The following MARCHF1 variants were observed in gnomAD, a reference collection of about 807,000 sequenced individuals.
MARCHF1 encodes E3 ubiquitin-protein ligase MARCHF1.
Under a neutral mutation model 54.2 loss-of-function variants are expected in MARCHF1, and 40 were observed. That is an observed-to-expected ratio of 0.74 (90% CI 0.57 to 0.96). The LOEUF (loss-of-function observed/expected upper bound fraction) is 0.96. Among genes scored for constraint, MARCHF1 ranks in the 40% least tolerant of loss-of-function variants. The pLI is 0.00. For synonymous variants in MARCHF1, 236 were observed against 236.3 expected (o/e 1.00, Z 0.01); for missense variants, 586 against 656.5 (o/e 0.89, Z 1.17).
intron 2 of MARCHF1, among the ~76,000 whole-genome samples, chr4:164,101,530 C>G (rs984008740): frequency 7.7e-6 from 1 of 129,918 alleles, no homozygotes; most frequent in African/African-American, 2.8e-5. Context: ...CAGGGTACTC[C>G]AACAGACCTG....
chr4:163,701,994 A>C (rs1454327569), intron 4 of MARCHF1, among the ~76,000 whole-genome samples: 6 of 152,222 alleles, frequency 3.9e-5, no homozygotes, highest in Non-Finnish European at 8.8e-5. Context: ...TTAGAGACAC[A>C]GTGATGACAG....
At chr4:163,718,416 C>G (rs1411883414) in intron 4 of MARCHF1, among the ~76,000 whole-genome samples, 1 of 152,104 alleles carries the variant, frequency 6.6e-6, no homozygotes, top group Non-Finnish European at 1.5e-5. Context: ...TGACAAAGGG[C>G]TAATATCCAG....
In MARCHF1 at chr4:163,716,172, T is replaced by C. The variant is rs563126132; in HGVS notation, c.112-15309A>G. 1.2e-3 allele frequency among the ~76,000 whole-genome samples: 190 copies of C among 152,308 alleles called. 1 individual carries two copies. The highest frequency in any genetic ancestry group is 2.2e-3 in the Non-Finnish European group (147 of 68,022). ...TGATGGTTCTTTACTTGGCAACATG[T>C]TCCAGGAGGCATCTTAATCTGGTAA... On this transcript the variant is annotated intron_variant, in intron 4 of 9. Transcript: ENST00000514618.
chr4:163,818,198 A>G (rs1329352982), intron 4 of MARCHF1, among the ~76,000 whole-genome samples: 1 of 152,068 alleles, frequency 6.6e-6, no homozygotes, highest in African/African-American at 2.4e-5. Context: ...TCATTTACTA[A>G]TACTTTATTT....
intron 2 of MARCHF1, among the ~76,000 whole-genome samples, chr4:164,007,345 C>CAAAAA (rs56306052): frequency 9.9e-4 from 81 of 81,750 alleles, no homozygotes; most frequent in East Asian, 3.4e-3. Context: ...GACTCCATCT[C>CAAAAA]AAAAAAAAAA....
intron 2 of MARCHF1, among the ~76,000 whole-genome samples, chr4:164,030,179 T>C (rs28711992): frequency 0.066 from 10,047 of 152,030 alleles, 685 homozygotes; most frequent in East Asian, 0.32. Flanking sequence ...TTGATAAGAA[T>C]ATAATTTTAA....
intron 9 of MARCHF1, among the ~76,000 whole-genome samples, chr4:163,541,528 T>C (rs958073157): frequency 3.9e-5 from 6 of 152,176 alleles, no homozygotes; most frequent in Non-Finnish European, 8.8e-5. Context: ...TTTGCTATTT[T>C]TTTTCCTGTC....
At chr4:164,178,335 G>A (rs1322092369) in intron 1 of MARCHF1, among the ~76,000 whole-genome samples, 1 of 152,108 alleles carries the variant, frequency 6.6e-6, no homozygotes. Context: ...AAAAGCCTCT[G>A]GACAGAGGTG....
chr4:163,733,167 C>CTCTG (rs1234654057), intron 4 of MARCHF1, among the ~76,000 whole-genome samples: 21 of 63,218 alleles, frequency 3.3e-4, no homozygotes, highest in African/African-American at 1.5e-3. Flanking sequence ...CTCTCTCTCT[C>CTCTG]TGTATGTGTG....
At chr4:163,829,449 A>G (rs1315334271) in intron 4 of MARCHF1, among the ~76,000 whole-genome samples, 1 of 152,206 alleles carries the variant, frequency 6.6e-6, no homozygotes, top group Non-Finnish European at 1.5e-5. Flanking sequence ...CATATTTATG[A>G]CTATCCTATT....
At chr4:164,041,312 C>A (rs567162139) in intron 2 of MARCHF1, among the ~76,000 whole-genome samples, 3 of 152,148 alleles carry the variant, frequency 2.0e-5, no homozygotes, top group Admixed American at 6.6e-5. Flanking sequence ...GAAATATCCC[C>A]CTCTTTCAAC....
intron 1 of MARCHF1, among the ~76,000 whole-genome samples, chr4:164,238,601 C>T (rs992094299): frequency 7.9e-5 from 12 of 151,900 alleles, no homozygotes; most frequent in African/African-American, 2.4e-4. Context: ...ATCCATTATT[C>T]CATTTTATGT....
intron 1 of MARCHF1, among the ~76,000 whole-genome samples, chr4:164,337,069 G>A (rs1729759900): frequency 6.6e-6 from 1 of 151,954 alleles, no homozygotes; most frequent in South Asian, 2.1e-4. Flanking sequence ...AGGAAAGGCA[G>A]GAAAGAAAGG....
chr4:164,323,899 G>A (rs1409240356), intron 1 of MARCHF1, among the ~76,000 whole-genome samples: 3 of 151,684 alleles, frequency 2.0e-5, no homozygotes, highest in African/African-American at 7.2e-5. Context: ...AGCAAATTCT[G>A]TCTAGCCTAT....
Position 163,854,139 on chromosome 4 carries a change from T to G in MARCHF1, c.-8A>C, listed in dbSNP as rs1749708811. 1 of 1,532,996 alleles carries G rather than the reference T, an allele frequency of 6.5e-7. No homozygotes were observed. The highest frequency in any genetic ancestry group is 8.7e-7 in the Non-Finnish European group (1 of 1,144,658). 95.0% of individuals were successfully genotyped at this position (1,532,996 alleles called of 1,614,324 possible). On this transcript the variant is annotated 5_prime_UTR_variant, in exon 4 of 10. Transcript: ENST00000514618. ...TTCACACCAGCCCAGCATTTTCTCC[T>G]TCCTCTTATCCCTTTTCAATTTCTG...
At chr4:163,846,001 T>C (rs1378377041) in intron 4 of MARCHF1, among the ~76,000 whole-genome samples, 1 of 152,214 alleles carries the variant, frequency 6.6e-6, no homozygotes. Context: ...TCAAAGTTCT[T>C]TAAAAGCATC....
intron 4 of MARCHF1, among the ~76,000 whole-genome samples, chr4:163,752,580 T>A (rs927341421): frequency 2.6e-5 from 4 of 152,142 alleles, no homozygotes; most frequent in Non-Finnish European, 5.9e-5. Flanking sequence ...AAGAGACAAG[T>A]CACAAATAGA....
At chr4:164,015,715 T>A (rs189086728) in intron 2 of MARCHF1, among the ~76,000 whole-genome samples, 181 of 150,324 alleles carry the variant, frequency 1.2e-3, no homozygotes, top group African/African-American at 4.2e-3. Flanking sequence ...AAAAAAAAAA[T>A]GCCCAGCATC....
chr4:164,039,410 A>G lies in MARCHF1; in HGVS notation c.-247-50701T>C, dbSNP rs41477852. Among the ~76,000 whole-genome samples, 943 of 152,278 alleles carry G rather than the reference A, an allele frequency of 6.2e-3. 7 individuals are homozygous for G. The highest frequency in any genetic ancestry group is 0.022 in the African/African-American group (901 of 41,566). On this transcript the variant is annotated intron_variant, in intron 2 of 9. Transcript: ENST00000514618. ...TTCATGTAACAGTAAAAACCTATGC[A>G]ACAAAATTAAGTGAAAAGTGCAGAT...
Sources: allele counts gnomAD v4.1 joint callset (sites outside exome capture counted in the v4.1 genomes callset), GRCh38; gene constraint gnomAD v4.1.1; transcripts MANE v1.5; gene names NCBI Gene and HGNC (gene_info 2026-07-23, HGNC 2026-07-21).